Variants in AHCTF1 observed in about 807,000 individuals in gnomAD.
AHCTF1 encodes the protein protein ELYS.
In AHCTF1, 24 loss-of-function variants were observed where a neutral mutation model predicts 248.4. The ratio of observed to expected loss-of-function variants is 0.10; its 90% CI spans 0.07 to 0.14. The LOEUF is 0.14. Among genes scored for constraint, AHCTF1 ranks in the 10% least tolerant of loss-of-function variants. The pLI is 1.00. For synonymous variants in AHCTF1, 786 were observed against 929.8 expected, an observed-to-expected ratio of 0.85 and a Z score of 2.81; for missense variants, 2,206 against 2,636.2, an observed-to-expected ratio of 0.84 and a Z score of 3.57.
intron 21 of AHCTF1, among the ~76,000 whole-genome samples, chr1:246,885,188 T>C (rs1663728154): frequency 6.6e-6 from 1 of 152,222 alleles, no homozygotes; most frequent in Non-Finnish European, 1.5e-5. Flanking sequence ...TATTATACAG[T>C]TGTCCCTCAG....
chr1:246,855,103 G>A (rs1177214644), intron 31 of AHCTF1, among the ~76,000 whole-genome samples: 1 of 152,208 alleles, frequency 6.6e-6, no homozygotes, highest in Admixed American at 6.5e-5. Context: ...TTGAGAGCAT[G>A]GGCTCTAGAG....
At chr1:246,910,707 GA>G (rs1665741122) in intron 4 of AHCTF1, among the ~76,000 whole-genome samples, 1 of 152,080 alleles carries the variant, frequency 6.6e-6, no homozygotes, top group East Asian at 1.9e-4. Context: ...TATAAAGGGG[GA>G]AAAATCATAT....
At position 246,841,822 on chromosome 1, in the gene AHCTF1, C is replaced by CA. The variant is rs536438127; in HGVS notation, c.6609-825dup. Among the ~76,000 whole-genome samples the CA allele has an allele frequency of 1.6e-4, 25 of 152,170 alleles. No homozygotes were observed. The South Asian group carries it at 5.2e-3, about 32-fold the overall frequency. On this transcript the variant is annotated intron_variant, in intron 35 of 35. Transcript: ENST00000648844. ...TATCTATTTTTTTGAGACAGAGTCT[C>CA]AGTCTGTCACCCAGGCTGGAGTGCA...
intron 21 of AHCTF1, among the ~76,000 whole-genome samples, chr1:246,881,239 A>T (rs1663381259): frequency 6.6e-6 from 1 of 152,368 alleles, no homozygotes; most frequent in Middle Eastern, 3.4e-3. Flanking sequence ...TAATAATTTT[A>T]AAAGTCATTT....
intron 20 of AHCTF1, 93 bp from the exon 21 acceptor site, chr1:246,885,773 G>A (rs1663774167): frequency 8.5e-7 from 1 of 1,174,620 alleles, no homozygotes; most frequent in Admixed American, 2.7e-5. Flanking sequence ...CAAAAATCCA[G>A]ATAAGACTCG....
intron 4 of AHCTF1, among the ~76,000 whole-genome samples, chr1:246,912,167 T>G (rs1665854601): frequency 6.6e-6 from 1 of 152,134 alleles, no homozygotes; most frequent in Non-Finnish European, 1.5e-5. Context: ...TACACTGATA[T>G]TCTAGGCTTG....
chr1:246,861,858 A>G, intron 28 of AHCTF1, 101 bp downstream of exon 28: 1 of 959,398 alleles, frequency 1.0e-6, no homozygotes, highest in Middle Eastern at 3.4e-4. Flanking sequence ...ACAAAAATCT[A>G]TAGTGGTATT....
At chr1:246,897,648 G>T (rs116315911) in intron 12 of AHCTF1, among the ~76,000 whole-genome samples, 7,416 of 152,176 alleles carry the variant, frequency 0.049, 222 homozygotes, top group Admixed American at 0.065. Context: ...ACAATATGAA[G>T]TATACGTGTA....
rs748349335 is a variant in AHCTF1 at position 246,920,306 on chromosome 1, G to A, written c.-7-1929C>T. Among the ~76,000 whole-genome samples, 34 of 152,092 alleles carry A rather than the reference G, an allele frequency of 2.2e-4. 1 individual carries two copies. Among genetic ancestry groups the A allele is most frequent in the African/African-American group, 7.7e-4 (32 of 41,522 alleles). ...GTCTAATATATTTGTGTAAATCAGCGATTTAGCTTGATAAGAAACTGTAAA... is the reference window on the plus strand; with the variant it reads ...GTCTAATATATTTGTGTAAATCAGCAATTTAGCTTGATAAGAAACTGTAAA... On this transcript the variant is annotated intron_variant, in intron 1 of 35. Coordinates refer to ENST00000648844, the MANE Select transcript of AHCTF1 (RefSeq NM_001323342.2).
chr1:246,843,710 T>A (rs1036740819), intron 34 of AHCTF1, 85 bp downstream of exon 34: 297 of 976,148 alleles, frequency 3.0e-4, no homozygotes, highest in Non-Finnish European at 3.8e-4. Flanking sequence ...TCATTAAAAT[T>A]TAAATAAAAT....
At position 246,888,165 on chromosome 1, in the gene AHCTF1, T is replaced by G. The variant is rs773286947; in HGVS notation, c.2325+12A>C. On this transcript the variant is annotated intron_variant, in intron 19 of 35. Transcript: ENST00000648844. ...TAATACATGAAACACTGGATAAAAC[T>G]TAAAAGGATACAATAGAGTGTTTGG... The G allele has an allele frequency of 3.1e-6, 5 of 1,613,078 alleles. No homozygotes were observed. The highest frequency in any genetic ancestry group is 1.3e-5 in the African/African-American group (1 of 74,968).
At chr1:246,921,974 G>T (rs1364463301) in intron 1 of AHCTF1, among the ~76,000 whole-genome samples, 1 of 152,190 alleles carries the variant, frequency 6.6e-6, no homozygotes, top group African/African-American at 2.4e-5. Flanking sequence ...ATGGCTGTGT[G>T]GAGTTTAAAT....
At chr1:246,857,883 T>C in intron 29 of AHCTF1, 69 bp from the exon 30 acceptor site, 1 of 1,447,944 alleles carries the variant, frequency 6.9e-7, no homozygotes, top group Non-Finnish European at 9.4e-7. Context: ...TCTTGCATTA[T>C]TACTTTTTAA....
chr1:246,919,773 T>C lies in AHCTF1; in HGVS notation c.-7-1396A>G, dbSNP rs571907782. On this transcript the variant is annotated intron_variant, in intron 1 of 35. Coordinates refer to ENST00000648844, the MANE Select transcript of AHCTF1 (RefSeq NM_001323342.2). ...TTTTCAGGTTCGTTGCTCCAAGCAATCCACGGAAACAACCACATATCCTCT... is the reference window on the plus strand; with the variant it reads ...TTTTCAGGTTCGTTGCTCCAAGCAACCCACGGAAACAACCACATATCCTCT... Among the ~76,000 whole-genome samples the C allele has an allele frequency of 5.0e-4, 75 of 150,554 alleles. No homozygotes were observed. In the East Asian group the frequency reaches 0.011, roughly 21 times the overall value.
chr1:246,930,053 A>G (rs922241577), intron 1 of AHCTF1, among the ~76,000 whole-genome samples: 18 of 85,578 alleles, frequency 2.1e-4, no homozygotes, highest in Non-Finnish European at 3.3e-4. Context: ...CCCCGTCTCA[A>G]AAAAAAAAAA....
chr1:246,864,132 G>A lies in AHCTF1; in HGVS notation c.3348-16C>T, dbSNP rs13374054. The A allele has an allele frequency of 6.8e-3, 10,868 of 1,608,190 alleles. 615 individuals carry two copies. In the African/African-American group the frequency reaches 0.13, roughly 19 times the overall value. On this transcript the variant is annotated splice_polypyrimidine_tract_variant and intron_variant, in intron 26 of 35. Coordinates refer to ENST00000648844, the MANE Select transcript of AHCTF1 (RefSeq NM_001323342.2). ...ATCTAGCAGTCTGTAATCAGAATGC[G>A]CATTTATTGAGTTATACTGAAAAAA...
chr1:246,843,087 C>A (rs1016366494), intron 34 of AHCTF1, among the ~76,000 whole-genome samples: 3 of 152,300 alleles, frequency 2.0e-5, no homozygotes, highest in African/African-American at 7.2e-5. Context: ...AAGAAGTAGA[C>A]AACCAGAGAC....
chr1:246,847,753 G>A (rs1445069139), intron 33 of AHCTF1, among the ~76,000 whole-genome samples: 1 of 152,052 alleles, frequency 6.6e-6, no homozygotes, highest in Non-Finnish European at 1.5e-5. Flanking sequence ...AAAATTAGTA[G>A]GTACAGAAAT....
At chr1:246,898,751 C>G (rs1266889511) in intron 11 of AHCTF1, among the ~76,000 whole-genome samples, 2 of 152,030 alleles carry the variant, frequency 1.3e-5, no homozygotes, top group Non-Finnish European at 2.9e-5. Context: ...CACATCTGGA[C>G]GATTATCAAT....
Sources: gnomAD v4.1 joint callset for allele counts (sites outside exome capture counted in the v4.1 genomes callset) on GRCh38, gnomAD v4.1.1 for gene constraint, MANE v1.5 for transcripts, NCBI Gene and HGNC (gene_info 2026-07-23, HGNC 2026-07-21) for gene names.